Variants in ARHGEF26 observed in about 807,000 individuals in gnomAD.
ARHGEF26 encodes the protein Rho guanine nucleotide exchange factor (GEF) 26.
In ARHGEF26, 59 loss-of-function variants were observed where a neutral mutation model predicts 89.4. That is an observed-to-expected ratio of 0.66 (90% CI 0.54 to 0.82). The LOEUF (loss-of-function observed/expected upper bound fraction) is 0.82, where lower values mean the gene tolerates loss of function less well. Ranked by LOEUF, ARHGEF26 falls within the 40% of genes least tolerant of loss-of-function variation. The pLI is 0.00. For synonymous variants in ARHGEF26, 500 were observed against 428.4 expected (o/e 1.17, Z -2.06); for missense variants, 1,234 against 1,085.6 (o/e 1.14, Z -1.92).
At chr3:154,201,492 G>A (rs1714633205) in intron 9 of ARHGEF26, among the ~76,000 whole-genome samples, 1 of 152,184 alleles carries the variant, frequency 6.6e-6, no homozygotes, top group African/African-American at 2.4e-5. Flanking sequence ...ATAGCAGCAT[G>A]TTTTATAATC....
At chr3:154,159,363 A>G (rs1322636837) in intron 6 of ARHGEF26, among the ~76,000 whole-genome samples, 5 of 152,134 alleles carry the variant, frequency 3.3e-5, no homozygotes, top group Non-Finnish European at 5.9e-5. Flanking sequence ...CTTGTCTTCA[A>G]TTTCTGCAGA....
Position 154,255,524 on chromosome 3 carries a change from C to A in ARHGEF26, c.*51C>A. ...CAAGATTTGCACGACACTTACCGGG[C>A]TGGTTGGTTCTGGGCTAGTTTTATT... On this transcript the variant is annotated 3_prime_UTR_variant, in exon 15 of 15. Coordinates refer to ENST00000465093, the MANE Select transcript of ARHGEF26 (RefSeq NM_015595.4). The A allele has an allele frequency of 1.3e-6, 2 of 1,576,346 alleles. No individual in the cohort carries two copies. The highest frequency in any genetic ancestry group is 1.7e-6 in the Non-Finnish European group (2 of 1,163,504).
At chr3:154,123,152 A>G in intron 2 of ARHGEF26, 77 bp downstream of exon 2, 2 of 1,561,288 alleles carry the variant, frequency 1.3e-6, no homozygotes, top group Non-Finnish European at 8.7e-7. Context: ...GGAGGAGCGT[A>G]GAGGAAACCC....
intron 6 of ARHGEF26, among the ~76,000 whole-genome samples, chr3:154,158,686 A>G (rs1054027893): frequency 6.6e-6 from 1 of 152,148 alleles, no homozygotes; most frequent in Admixed American, 6.6e-5. Flanking sequence ...TGATCATCTC[A>G]TGAAAAATGG....
intron 5 of ARHGEF26, 48 bp downstream of exon 5, chr3:154,149,493 C>T (rs755063808): frequency 9.3e-6 from 14 of 1,506,062 alleles, no homozygotes; most frequent in African/African-American, 1.4e-5. Flanking sequence ...GTGTGCATGT[C>T]GGTGTCTGCT....
chr3:154,201,864 T>C (rs1188526536), intron 9 of ARHGEF26, among the ~76,000 whole-genome samples: 2 of 152,122 alleles, frequency 1.3e-5, no homozygotes, highest in African/African-American at 4.8e-5. Flanking sequence ...TGTTTTTTTC[T>C]TGTAAATTTG....
chr3:154,196,739 C>T (rs753026425), intron 9 of ARHGEF26, among the ~76,000 whole-genome samples: 46 of 152,032 alleles, frequency 3.0e-4, no homozygotes, highest in Middle Eastern at 3.2e-3. Flanking sequence ...GTGCTTCCTC[C>T]AAGACCTCAA....
chr3:154,229,073 C>T (rs1716675794), intron 11 of ARHGEF26, among the ~76,000 whole-genome samples: 1 of 152,146 alleles, frequency 6.6e-6, no homozygotes, highest in Admixed American at 6.5e-5. Flanking sequence ...GGTGTGTGGA[C>T]CCCCTCCACT....
intron 9 of ARHGEF26, among the ~76,000 whole-genome samples, chr3:154,216,072 G>A (rs1220758623): frequency 6.6e-6 from 1 of 152,088 alleles, no homozygotes; most frequent in African/African-American, 2.4e-5. Flanking sequence ...TCTGTGCAGT[G>A]GGAGTAGGTC....
At chr3:154,146,997 G>A (rs893324684) in intron 4 of ARHGEF26, among the ~76,000 whole-genome samples, 1 of 152,168 alleles carries the variant, frequency 6.6e-6, no homozygotes, top group African/African-American at 2.4e-5. Context: ...AACCAGTGAG[G>A]AATAAGAAAG....
At chr3:154,213,914 G>T (rs1715562963) in intron 9 of ARHGEF26, among the ~76,000 whole-genome samples, 1 of 152,154 alleles carries the variant, frequency 6.6e-6, no homozygotes, top group South Asian at 2.1e-4. Flanking sequence ...TGGGCTCTGG[G>T]CTTACAATTA....
intron 10 of ARHGEF26, among the ~76,000 whole-genome samples, chr3:154,223,810 A>G (rs1486652854): frequency 2.0e-5 from 3 of 152,154 alleles, no homozygotes; most frequent in Non-Finnish European, 4.4e-5. Flanking sequence ...AAACCACTGT[A>G]TTCTACACCC....
chr3:154,253,017 T>A, intron 12 of ARHGEF26, 99 bp from the exon 13 acceptor site: 1 of 1,334,500 alleles, frequency 7.5e-7, no homozygotes. Context: ...AGAGAATCTC[T>A]TGTTTTCTGG....
chr3:154,124,908 T>A (rs1209944289), intron 3 of ARHGEF26, among the ~76,000 whole-genome samples: 2 of 152,108 alleles, frequency 1.3e-5, no homozygotes, highest in Non-Finnish European at 2.9e-5. Context: ...GGGGAAACTC[T>A]AACTCTCCTG....
At chr3:154,219,108 A>G (rs558117623) in intron 10 of ARHGEF26, among the ~76,000 whole-genome samples, 1 of 152,262 alleles carries the variant, frequency 6.6e-6, no homozygotes, top group East Asian at 1.9e-4. Flanking sequence ...TTTTATAGCA[A>G]TTAAAAAACC....
chr3:154,215,446 T>C (rs2108240913), intron 9 of ARHGEF26, among the ~76,000 whole-genome samples: 1 of 152,198 alleles, frequency 6.6e-6, no homozygotes, highest in African/African-American at 2.4e-5. Context: ...TTAGGGATTG[T>C]AAGTATTATA....
chr3:154,254,950 T>C, intron 14 of ARHGEF26, 126 bp downstream of exon 14: 1 of 789,760 alleles, frequency 1.3e-6, no homozygotes, highest in Non-Finnish European at 2.1e-6. Context: ...TGAGATCACA[T>C]ATATGTACTG....
In ARHGEF26 at chr3:154,152,768, C is replaced by A; in HGVS notation, c.1327-4C>A. ...ATAATACATTTCTTTTTCCTTCTTA[C>A]CAGGCTATCTTTGAAGTCATATCCT... is the stretch of plus-strand genomic sequence containing the variant. On this transcript the variant is annotated splice_region_variant and splice_polypyrimidine_tract_variant and intron_variant, in intron 5 of 14. Coordinates refer to ENST00000465093, the MANE Select transcript of ARHGEF26 (RefSeq NM_015595.4). 6.8e-7 allele frequency: 1 copy of A among 1,465,124 alleles called. No individual in the cohort carries two copies. The allele number at this position is 1,465,124 out of a possible 1,614,324, so 90.8% of individuals were successfully genotyped here.
At chr3:154,248,650 C>A (rs1278230548) in intron 12 of ARHGEF26, among the ~76,000 whole-genome samples, 1 of 152,048 alleles carries the variant, frequency 6.6e-6, no homozygotes, top group South Asian at 2.1e-4. Flanking sequence ...ACATCATTGA[C>A]CCGCTTCAGG....
Sources: allele counts gnomAD v4.1 joint callset (sites outside exome capture counted in the v4.1 genomes callset), GRCh38; gene constraint gnomAD v4.1.1; transcripts MANE v1.5; gene names NCBI Gene and HGNC (gene_info 2026-07-23, HGNC 2026-07-21).